Variants in NUBPL observed in about 807,000 individuals in gnomAD.
The protein encoded by NUBPL is NUBP iron-sulfur cluster assembly factor, mitochondrial.
NUBPL carries 31 observed loss-of-function variants against 45.7 expected under a neutral mutation model. The ratio of observed to expected loss-of-function variants is 0.68; its 90% confidence interval spans 0.51 to 0.92. The LOEUF (loss-of-function observed/expected upper bound fraction) is 0.92. Among genes scored for constraint, NUBPL ranks in the 40% least tolerant of loss-of-function variants. The pLI is 0.00. For missense variants in NUBPL, 401 were observed against 398.7 expected, an observed-to-expected ratio of 1.01 and a Z score of -0.05; for synonymous variants, 144 against 140.9, an observed-to-expected ratio of 1.02 and a Z score of -0.15.
rs147577510 is a variant in NUBPL, at chr14:31,743,805, T to TTG, written c.514-43960_514-43959dup. ...CACTTTTGAGGAACTAAAGGAGATA[T>TTG]TGTGTGTGTGTGTGTGAGTGCCCAT... On this transcript the variant is annotated intron_variant, in intron 6 of 10. Coordinates refer to ENST00000281081, the MANE Select transcript of NUBPL (RefSeq NM_025152.3). 2.4e-3 allele frequency among the ~76,000 whole-genome samples: 364 copies of TTG among 151,024 alleles called. 1 individual carries two copies. Among genetic ancestry groups the TTG allele is most frequent in the African/African-American group, 7.7e-3 (317 of 41,406 alleles).
At chr14:31,809,259 G>A (rs910519031) in intron 7 of NUBPL, among the ~76,000 whole-genome samples, 38 of 152,028 alleles carry the variant, frequency 2.5e-4, no homozygotes, top group Non-Finnish European at 1.0e-4. Context: ...GACATTTTTC[G>A]GTTGGTAGGC....
chr14:31,633,795 C>T (rs1009439280), intron 4 of NUBPL, among the ~76,000 whole-genome samples: 8 of 152,070 alleles, frequency 5.3e-5, no homozygotes, highest in Admixed American at 5.2e-4. Context: ...ATTCTTTTTC[C>T]TTTGATAACC....
At chr14:31,739,618 C>A (rs80141569) in intron 6 of NUBPL, among the ~76,000 whole-genome samples, 5,452 of 152,256 alleles carry the variant, frequency 0.036, 123 homozygotes, top group Non-Finnish European at 0.055. Context: ...CATCCTCCAC[C>A]AGAGTGGTCT....
chr14:31,852,594 C>A (rs563464022), intron 10 of NUBPL, among the ~76,000 whole-genome samples: 1 of 152,244 alleles, frequency 6.6e-6, no homozygotes, highest in South Asian at 2.1e-4. Context: ...TCACTTCATC[C>A]TGGGAGGCGG....
In NUBPL at chr14:31,850,198, T is replaced by A. The variant is rs770850110; in HGVS notation, c.894T>A (p.Asp298Glu). 8 of 1,611,786 alleles carry A rather than the reference T, an allele frequency of 5.0e-6. No individual in the cohort carries two copies. The East Asian group carries it at 1.8e-4, about 36-fold the overall frequency. ...QPIVFSQPES[D>E]EAKAYLRIAV... The stretch of plus-strand genomic sequence containing the variant: ...TTGTGTTTTCACAGCCTGAAAGTGA[T>A]GAGGTAAGTTCCATTTTTGGATACA... Residue 298 changes from aspartate to glutamate, a missense_variant, in exon 10 of 11, where the codon GAT becomes GAA. Physicochemically the swap from Asp to Glu is conservative, Grantham distance 45 (BLOSUM62 2). Transcript: ENST00000281081.
chr14:31,697,528 G>T (rs180954932), intron 6 of NUBPL, among the ~76,000 whole-genome samples: 3 of 152,188 alleles, frequency 2.0e-5, no homozygotes, highest in South Asian at 4.1e-4. Flanking sequence ...TTAAAATTTT[G>T]TGTTAATCAA....
chr14:31,853,286 G>C (rs2040568593), intron 10 of NUBPL, among the ~76,000 whole-genome samples: 1 of 152,074 alleles, frequency 6.6e-6, no homozygotes, highest in South Asian at 2.1e-4. Context: ...AAACTCCTGA[G>C]CTCAGGAGAT....
chr14:31,717,667 A>G (rs1228308414), intron 6 of NUBPL, among the ~76,000 whole-genome samples: 1 of 152,184 alleles, frequency 6.6e-6, no homozygotes, highest in Non-Finnish European at 1.5e-5. Flanking sequence ...AAGAAACACC[A>G]CTACCAAAAC....
intron 4 of NUBPL, among the ~76,000 whole-genome samples, chr14:31,641,281 A>G (rs1171855091): frequency 1.3e-5 from 2 of 152,050 alleles, no homozygotes; most frequent in African/African-American, 4.8e-5. Flanking sequence ...CTGTGTATTT[A>G]TTTGTACTGA....
intron 6 of NUBPL, among the ~76,000 whole-genome samples, chr14:31,724,516 T>A (rs2037878181): frequency 6.6e-6 from 1 of 152,202 alleles, no homozygotes; most frequent in Admixed American, 6.5e-5. Context: ...ATGGAGGTAG[T>A]ATTCAGTAAT....
At chr14:31,809,598 T>A (rs1045768334) in intron 7 of NUBPL, among the ~76,000 whole-genome samples, 1 of 152,178 alleles carries the variant, frequency 6.6e-6, no homozygotes, top group African/African-American at 2.4e-5. Flanking sequence ...TTGAAGGGTT[T>A]TTTGTGTCTC....
intron 6 of NUBPL, among the ~76,000 whole-genome samples, chr14:31,699,449 T>A (rs951452939): frequency 3.3e-5 from 5 of 152,226 alleles, no homozygotes; most frequent in Non-Finnish European, 5.9e-5. Context: ...TATAATGTAC[T>A]ATTACTATTA....
At chr14:31,726,242 A>G (rs568672775) in intron 6 of NUBPL, among the ~76,000 whole-genome samples, 48 of 152,278 alleles carry the variant, frequency 3.2e-4, no homozygotes, top group South Asian at 2.1e-3. Flanking sequence ...TCTTATAAAG[A>G]TCTGTCCAAA....
rs577834890 is a variant in NUBPL, at chr14:31,716,606, T to C, written c.513+43032T>C. On this transcript the variant is annotated intron_variant, in intron 6 of 10. Transcript: ENST00000281081. Reference sequence around the variant, plus strand: ...TCTGCACATAACTGTAATTAGTAAATGGTGCAGCCAACATTTGAACAGAGT... The same window carrying C: ...TCTGCACATAACTGTAATTAGTAAACGGTGCAGCCAACATTTGAACAGAGT... 1.7e-4 allele frequency among the ~76,000 whole-genome samples: 26 copies of C among 152,332 alleles called. No individual in the cohort carries two copies. The East Asian group carries it at 4.6e-3, about 27-fold the overall frequency.
chr14:31,805,976 T>TA (rs1429783498), intron 7 of NUBPL, among the ~76,000 whole-genome samples: 1 of 152,188 alleles, frequency 6.6e-6, no homozygotes, highest in Non-Finnish European at 1.5e-5. Flanking sequence ...CTTAATGTCT[T>TA]AAAGTTCAGT....
At chr14:31,628,929 A>G (rs566931866) in intron 4 of NUBPL, among the ~76,000 whole-genome samples, 14 of 152,316 alleles carry the variant, frequency 9.2e-5, no homozygotes, top group South Asian at 2.1e-4. Flanking sequence ...TATGATGACT[A>G]TAAGTACAGT....
intron 4 of NUBPL, among the ~76,000 whole-genome samples, chr14:31,613,120 AACG>A (rs2034804236): frequency 6.6e-6 from 1 of 152,228 alleles, no homozygotes; most frequent in Non-Finnish European, 1.5e-5. Context: ...CATAAAAAGG[AACG>A]AGATCCTGTT....
intron 3 of NUBPL, among the ~76,000 whole-genome samples, chr14:31,595,905 AT>A (rs34594633): frequency 0.31 from 41,973 of 135,310 alleles, 6,570 homozygotes; most frequent in South Asian, 0.41. Flanking sequence ...ATGGACACTG[AT>A]TTTTTTTTTT....
At chr14:31,578,498 C>CCT (rs2033776091) in intron 3 of NUBPL, among the ~76,000 whole-genome samples, 1 of 152,150 alleles carries the variant, frequency 6.6e-6, no homozygotes, top group Admixed American at 6.5e-5. Flanking sequence ...GGGTCAGCAC[C>CCT]ACTGTGCAGA....
Sources: gnomAD v4.1 joint callset for allele counts (sites outside exome capture counted in the v4.1 genomes callset) on GRCh38, gnomAD v4.1.1 for gene constraint, MANE v1.5 for transcripts, NCBI Gene and HGNC (gene_info 2026-07-23, HGNC 2026-07-21) for gene names.